The following BACE2 variants were observed in gnomAD, a reference collection of about 807,000 sequenced individuals.
The protein encoded by BACE2 is beta-secretase 2.
BACE2 carries 17 observed loss-of-function variants against 46.2 expected under a neutral mutation model. That is an observed-to-expected ratio of 0.37 (90% CI 0.25 to 0.55). The LOEUF is 0.55. Among genes scored for constraint, BACE2 ranks in the 20% least tolerant of loss-of-function variants. BACE2 has a pLI of 0.82. For synonymous variants in BACE2, 277 were observed against 295.9 expected (o/e 0.94, Z 0.66); for missense variants, 595 against 698.1 (o/e 0.85, Z 1.66).
chr21:41,188,179 C>T (rs903303930), intron 1 of BACE2, among the ~76,000 whole-genome samples: 3 of 152,074 alleles, frequency 2.0e-5, no homozygotes, highest in South Asian at 2.1e-4. Flanking sequence ...ACCTGTGGGC[C>T]GTGTTTATAG....
At chr21:41,194,295 A>T (rs1187434618) in intron 1 of BACE2, among the ~76,000 whole-genome samples, 5 of 152,154 alleles carry the variant, frequency 3.3e-5, no homozygotes, top group Non-Finnish European at 7.3e-5. Flanking sequence ...CCATTAGGGT[A>T]GCTGTGCCCA....
intron 8 of BACE2, among the ~76,000 whole-genome samples, chr21:41,273,238 A>G (rs1007875051): frequency 1.3e-5 from 2 of 152,224 alleles, no homozygotes; most frequent in Non-Finnish European, 2.9e-5. Flanking sequence ...TTGGGCACGC[A>G]TTGTCATTGA....
chr21:41,242,072 C>T, intron 4 of BACE2, 125 bp downstream of exon 4: 1 of 1,273,516 alleles, frequency 7.9e-7, no homozygotes, highest in Non-Finnish European at 1.1e-6. Context: ...GTAAAACTTT[C>T]ATCCTCCTTG....
chr21:41,176,965 G>A (rs1323382714), intron 1 of BACE2: 1 of 152,210 alleles, frequency 6.6e-6, no homozygotes, highest in African/African-American at 2.4e-5. Flanking sequence ...TGGTTACCTT[G>A]TTGCCCAAGT....
At chr21:41,214,682 C>T (rs192776069) in intron 1 of BACE2, among the ~76,000 whole-genome samples, 21 of 152,368 alleles carry the variant, frequency 1.4e-4, no homozygotes, top group African/African-American at 5.1e-4. Flanking sequence ...ATGAACGTCT[C>T]TCTAACCTTG....
chr21:41,281,423 G>A lies in BACE2; in HGVS notation c.*5799G>A, dbSNP rs1339720918. On this transcript the variant is annotated 3_prime_UTR_variant, in exon 9 of 9. Coordinates refer to ENST00000330333, the MANE Select transcript of BACE2 (RefSeq NM_012105.5). The stretch of plus-strand genomic sequence containing the variant: ...TTTCCATAGGATTTTCTTCATTTGG[G>A]TTGGAATAAAAATGCATTTTTATTC... 6.6e-6 allele frequency: 1 copy of A among 152,126 alleles called. No individual in the cohort carries two copies. Among genetic ancestry groups the A allele is most frequent in the Non-Finnish European group, 1.5e-5 (1 of 68,034 alleles). 9.4% of individuals were successfully genotyped at this position (152,126 alleles called of 1,614,324 possible).
chr21:41,238,291 C>T (rs79579071), intron 3 of BACE2, among the ~76,000 whole-genome samples: 3,551 of 152,320 alleles, frequency 0.023, 50 homozygotes, highest in South Asian at 0.042. Flanking sequence ...ATTGTGGAAC[C>T]CTGCTCTTGC....
chr21:41,257,013 G>A, intron 7 of BACE2, 145 bp from the exon 8 acceptor site: 1 of 804,628 alleles, frequency 1.2e-6, no homozygotes, highest in Non-Finnish European at 2.0e-6. Flanking sequence ...CCTCCTGGAT[G>A]GCAGGGTGAG....
intron 8 of BACE2, among the ~76,000 whole-genome samples, chr21:41,271,502 GT>G (rs970156414): frequency 1.3e-5 from 2 of 152,146 alleles, no homozygotes; most frequent in African/African-American, 4.8e-5. Flanking sequence ...TGATATGTCT[GT>G]GTTTAACCAG....
intron 1 of BACE2, among the ~76,000 whole-genome samples, chr21:41,173,574 C>T (rs1984682088): frequency 6.6e-6 from 1 of 152,102 alleles, no homozygotes. Flanking sequence ...GGTGAAACCC[C>T]ATCTCTACTA....
intron 8 of BACE2, among the ~76,000 whole-genome samples, chr21:41,260,343 C>T (rs970116456): frequency 1.3e-5 from 2 of 152,122 alleles, no homozygotes; most frequent in African/African-American, 4.8e-5. Flanking sequence ...TGGGGTTTTG[C>T]TGCGTTGCCC....
chr21:41,247,834 G>T (rs530254271), intron 6 of BACE2, among the ~76,000 whole-genome samples: 2 of 152,332 alleles, frequency 1.3e-5, no homozygotes, highest in East Asian at 1.9e-4. Context: ...TTTGTCTTGG[G>T]CAGGGAAAGC....
chr21:41,171,775 G>GGA (rs930824510), intron 1 of BACE2, among the ~76,000 whole-genome samples: 5 of 152,100 alleles, frequency 3.3e-5, no homozygotes, highest in African/African-American at 1.2e-4. Context: ...AAAGCCTTTG[G>GGA]GATTCTTTTT....
intron 1 of BACE2, among the ~76,000 whole-genome samples, chr21:41,187,285 G>A (rs190713637): frequency 6.6e-6 from 1 of 152,180 alleles, no homozygotes; most frequent in Admixed American, 6.5e-5. Context: ...ACTCTTCAGC[G>A]TTTCTGGCTC....
At chr21:41,224,588 C>G (rs993713645) in intron 1 of BACE2, among the ~76,000 whole-genome samples, 2 of 152,308 alleles carry the variant, frequency 1.3e-5, no homozygotes, top group Admixed American at 1.3e-4. Context: ...AGTGTTCATT[C>G]TGTAAACAAC....
intron 1 of BACE2, chr21:41,225,714 G>A (rs1008081257): frequency 6.6e-6 from 1 of 152,568 alleles, no homozygotes; most frequent in Non-Finnish European, 1.5e-5. Flanking sequence ...TTAAGATCTT[G>A]CGTTTTTATT....
chr21:41,225,089 C>T (rs1986769568), intron 1 of BACE2, among the ~76,000 whole-genome samples: 1 of 152,132 alleles, frequency 6.6e-6, no homozygotes, highest in African/African-American at 2.4e-5. Context: ...AAAAAACTAT[C>T]CGGGCTCGGT....
intron 1 of BACE2, among the ~76,000 whole-genome samples, chr21:41,187,385 C>A (rs1169144162): frequency 6.6e-6 from 1 of 152,196 alleles, no homozygotes; most frequent in African/African-American, 2.4e-5. Flanking sequence ...GTGTGGCTGG[C>A]AGTTTGCTGT....
intron 8 of BACE2, among the ~76,000 whole-genome samples, chr21:41,261,561 A>G (rs1028893283): frequency 1.3e-5 from 2 of 152,010 alleles, no homozygotes; most frequent in African/African-American, 2.4e-5. Context: ...ATATTTATAT[A>G]TATCTTTAAT....
Sources: gnomAD v4.1 joint callset for allele counts (sites outside exome capture counted in the v4.1 genomes callset) on GRCh38, gnomAD v4.1.1 for gene constraint, MANE v1.5 for transcripts, NCBI Gene and HGNC (gene_info 2026-07-23, HGNC 2026-07-21) for gene names.